Variants in ZNF704 observed in about 807,000 individuals in gnomAD.
ZNF704 encodes the protein glucocorticoid induced gene 1.
ZNF704 carries 10 observed loss-of-function variants against 44.7 expected under a neutral mutation model. That is an observed-to-expected ratio of 0.22 (90% CI 0.14 to 0.38). The LOEUF (loss-of-function observed/expected upper bound fraction) is 0.38. Among genes scored for constraint, ZNF704 ranks in the 10% least tolerant of loss-of-function variants. The probability of loss-of-function intolerance (pLI) is 1.00; values close to 1 mark genes in which losing one functional copy is unlikely to be tolerated. For missense variants in ZNF704, 390 were observed against 545.5 expected, an observed-to-expected ratio of 0.71 and a Z score of 2.84; for synonymous variants, 211 against 207.6, an observed-to-expected ratio of 1.02 and a Z score of -0.14.
intron 2 of ZNF704, among the ~76,000 whole-genome samples, chr8:80,752,258 C>T (rs1349155808): frequency 6.6e-6 from 1 of 151,668 alleles, no homozygotes; most frequent in Non-Finnish European, 1.5e-5. Flanking sequence ...GCCAAATCAA[C>T]ATTGATCTGC....
intron 2 of ZNF704, among the ~76,000 whole-genome samples, chr8:80,733,741 C>CT (rs1806620109): frequency 6.6e-6 from 1 of 152,182 alleles, no homozygotes; most frequent in African/African-American, 2.4e-5. Context: ...AAAAGTGGCC[C>CT]TACATGGCAG....
intron 1 of ZNF704, among the ~76,000 whole-genome samples, chr8:80,822,505 A>G (rs963593247): frequency 6.6e-6 from 1 of 152,192 alleles, no homozygotes; most frequent in Non-Finnish European, 1.5e-5. Flanking sequence ...CAAAATAAAC[A>G]TATGTGTGCA....
intron 2 of ZNF704, among the ~76,000 whole-genome samples, chr8:80,746,728 A>AT (rs1355838652): frequency 6.6e-6 from 1 of 152,202 alleles, no homozygotes. Flanking sequence ...ATCAGGACCC[A>AT]TTGTTACGGG....
chr8:80,717,006 T>C (rs1819082026), intron 2 of ZNF704, among the ~76,000 whole-genome samples: 1 of 152,212 alleles, frequency 6.6e-6, no homozygotes. Flanking sequence ...TTAAACTTTA[T>C]CACACTTCCA....
In ZNF704 at chr8:80,666,128, C is replaced by T. The variant is rs1287085622; in HGVS notation, c.660-1046G>A. On this transcript the variant is annotated intron_variant, in intron 5 of 8. Transcript: ENST00000327835. The stretch of plus-strand genomic sequence containing the variant: ...ATCCCTTCCCCCGCCCCCCACCCCA[C>T]CACAGTCCCCAGAGTGTGATATTCC... 3.8e-5 allele frequency among the ~76,000 whole-genome samples: 5 copies of T among 131,130 alleles called. No homozygotes were observed. The East Asian group carries it at 9.8e-4, about 26-fold the overall frequency. 86.0% of individuals were successfully genotyped at this position (131,130 alleles called of 152,430 possible).
chr8:80,731,634 A>G (rs1806583405), intron 2 of ZNF704, among the ~76,000 whole-genome samples: 1 of 152,164 alleles, frequency 6.6e-6, no homozygotes, highest in African/African-American at 2.4e-5. Context: ...GTGTGGTGAC[A>G]TGTGCCTATA....
intron 2 of ZNF704, among the ~76,000 whole-genome samples, chr8:80,818,477 T>A (rs1434580280): frequency 6.6e-6 from 1 of 152,176 alleles, no homozygotes; most frequent in Non-Finnish European, 1.5e-5. Context: ...TATTTAAATA[T>A]AACCTAGCAC....
At chr8:80,742,947 A>C (rs1806786179) in intron 2 of ZNF704, among the ~76,000 whole-genome samples, 1 of 152,116 alleles carries the variant, frequency 6.6e-6, no homozygotes, top group African/African-American at 2.4e-5. Context: ...ACCTTTAAAC[A>C]CAGGGCTTGC....
Position 80,629,996 on chromosome 8 carries a change from C to G in ZNF704, c.*11370G>C, listed in dbSNP as rs1585906653. 1 of 152,248 alleles carries G rather than the reference C, an allele frequency of 6.6e-6. No individual in the cohort carries two copies. The highest frequency in any genetic ancestry group is 2.4e-5 in the African/African-American group (1 of 41,552). The allele number at this position is 152,248 out of a possible 1,614,324, so 9.4% of individuals were successfully genotyped here. On this transcript the variant is annotated 3_prime_UTR_variant, in exon 9 of 9. Coordinates refer to ENST00000327835, the MANE Select transcript of ZNF704 (RefSeq NM_001033723.3). ...ATCTTAATGATGGAATTTTTTAGAG[C>G]CTGATGTTTCAGAATAAAGTTTCAA... is the stretch of plus-strand genomic sequence containing the variant.
chr8:80,807,620 G>A (rs1808012413), intron 2 of ZNF704, among the ~76,000 whole-genome samples: 1 of 151,852 alleles, frequency 6.6e-6, no homozygotes, highest in Non-Finnish European at 1.5e-5. Context: ...GAATATGTCA[G>A]CTCTGCTTAA....
At chr8:80,704,329 G>A (rs946533151) in intron 2 of ZNF704, among the ~76,000 whole-genome samples, 1 of 152,198 alleles carries the variant, frequency 6.6e-6, no homozygotes, top group Admixed American at 6.5e-5. Context: ...CACAAGGCCA[G>A]TCTTAAACTA....
intron 2 of ZNF704, among the ~76,000 whole-genome samples, chr8:80,732,952 TAAA>T (rs59640222): frequency 8.9e-5 from 7 of 78,646 alleles, no homozygotes; most frequent in Non-Finnish European, 5.2e-5. Context: ...AGACCTTGCC[TAAA>T]AAAAAAAAAA....
intron 2 of ZNF704, among the ~76,000 whole-genome samples, chr8:80,750,536 A>C (rs1806923534): frequency 6.7e-6 from 1 of 148,638 alleles, no homozygotes; most frequent in Non-Finnish European, 1.5e-5. Context: ...TTTTTTTGAG[A>C]AGTTGTTTTG....
chr8:80,687,326 C>T lies in ZNF704; in HGVS notation c.458G>A (p.Ser153Asn). 6.2e-7 allele frequency: 1 copy of T among 1,612,086 alleles called. No homozygotes were observed. The change falls in exon 4 of 9, where the codon AGC becomes AAC. Residue 153 changes from serine (S) to asparagine (N), a missense_variant. Transcript: ENST00000327835. Reference sequence around the variant, plus strand: ...CGCGGGGCTGCGGAAGGGCTTGAAGCTGTCAGCCGAGAGCGGCGGCGACGG... The same window carrying T: ...CGCGGGGCTGCGGAAGGGCTTGAAGTTGTCAGCCGAGAGCGGCGGCGACGG... ...STPSPPLSADSFKPFRSPAQP... is the reference protein window; with the variant it reads ...STPSPPLSADNFKPFRSPAQP...
At chr8:80,661,488 C>T (rs1160496991) in intron 6 of ZNF704, among the ~76,000 whole-genome samples, 4 of 152,178 alleles carry the variant, frequency 2.6e-5, no homozygotes, top group African/African-American at 7.2e-5. Context: ...GGGACACCTG[C>T]ACTCTCATGT....
At chr8:80,696,611 T>C (rs1585961492) in intron 2 of ZNF704, among the ~76,000 whole-genome samples, 1 of 152,038 alleles carries the variant, frequency 6.6e-6, no homozygotes, top group Non-Finnish European at 1.5e-5. Context: ...AGAGACGGGG[T>C]TTCACCATGT....
chr8:80,695,315 C>T (rs1396715085), intron 2 of ZNF704, among the ~76,000 whole-genome samples: 1 of 152,246 alleles, frequency 6.6e-6, no homozygotes, highest in Non-Finnish European at 1.5e-5. Flanking sequence ...GAGTGGGGCA[C>T]ACCTGAGCTG....
At position 80,805,190 on chromosome 8, in the gene ZNF704, G is replaced by A. The variant is rs772815308; in HGVS notation, c.221+16184C>T. ...AGTTTCAAGCTTGGGGACCCATCTCGTCACTTAACAAAATTATTATTGCCT... is the reference window on the plus strand; with the variant it reads ...AGTTTCAAGCTTGGGGACCCATCTCATCACTTAACAAAATTATTATTGCCT... On this transcript the variant is annotated intron_variant, in intron 2 of 8. Coordinates refer to ENST00000327835, the MANE Select transcript of ZNF704 (RefSeq NM_001033723.3). Among the ~76,000 whole-genome samples the A allele has an allele frequency of 3.9e-5, 6 of 152,240 alleles. No homozygotes were observed. The East Asian group carries it at 7.7e-4, about 20-fold the overall frequency.
chr8:80,756,062 T>C (rs1807029577), intron 2 of ZNF704, among the ~76,000 whole-genome samples: 1 of 151,008 alleles, frequency 6.6e-6, no homozygotes, highest in African/African-American at 2.5e-5. Context: ...TGAGAAGTGA[T>C]CACGCCACTG....
Sources: allele counts gnomAD v4.1 joint callset (sites outside exome capture counted in the v4.1 genomes callset), GRCh38; gene constraint gnomAD v4.1.1; transcripts MANE v1.5; gene names NCBI Gene and HGNC (gene_info 2026-07-23, HGNC 2026-07-21).